The following POM121C variants were observed in gnomAD, a reference collection of about 807,000 sequenced individuals.
The protein encoded by POM121C is nuclear envelope pore membrane protein POM 121C.
In POM121C, 20 loss-of-function variants were observed where a neutral mutation model predicts 66.4. That is an observed-to-expected ratio of 0.30 (90% CI 0.21 to 0.44). The LOEUF is 0.44. POM121C is among the 20% of genes least tolerant of loss of function. POM121C has a pLI of 1.00. For missense variants in POM121C, 580 were observed against 1,225.7 expected (o/e 0.47, Z 7.87); for synonymous variants, 286 against 528.0 (o/e 0.54, Z 6.28).
chr7:75,433,375 A>AGATG (rs1790264281), intron 7 of POM121C, among the ~76,000 whole-genome samples: 1 of 149,934 alleles, frequency 6.7e-6, no homozygotes, highest in African/African-American at 2.4e-5. Context: ...TCTATTTTTG[A>AGATG]GATGGAGTCT....
intron 1 of POM121C, among the ~76,000 whole-genome samples, chr7:75,478,396 C>A (rs59029472): frequency 0.16 from 24,117 of 151,544 alleles, 2,462 homozygotes; most frequent in African/African-American, 0.28. Context: ...GAAGAAGAAC[C>A]GAGGCAGATG....
chr7:75,464,772 C>T (rs1429589561), intron 3 of POM121C, among the ~76,000 whole-genome samples: 1 of 103,804 alleles, frequency 9.6e-6, no homozygotes, highest in Non-Finnish European at 1.8e-5. Context: ...AGGAGAATTG[C>T]TTGAACCCAG....
At chr7:75,449,627 A>T (rs1431249825) in intron 3 of POM121C, among the ~76,000 whole-genome samples, 1 of 151,966 alleles carries the variant, frequency 6.6e-6, no homozygotes, top group Non-Finnish European at 1.5e-5. Context: ...GCAGCCTCCC[A>T]AAGTGCTGGG....
intron 1 of POM121C, among the ~76,000 whole-genome samples, chr7:75,483,794 A>G (rs1792403171): frequency 6.6e-6 from 1 of 151,524 alleles, no homozygotes; most frequent in South Asian, 2.1e-4. Context: ...CTATTTCCAC[A>G]TTCCCATTTT....
At chr7:75,460,698 G>A (rs1313706581) in intron 3 of POM121C, among the ~76,000 whole-genome samples, 4 of 152,076 alleles carry the variant, frequency 2.6e-5, no homozygotes, top group Admixed American at 6.6e-5. Flanking sequence ...TGATCTTCAC[G>A]AGTGAGTGGC....
At chr7:75,463,330 C>A (rs1346798041) in intron 3 of POM121C, among the ~76,000 whole-genome samples, 1 of 151,738 alleles carries the variant, frequency 6.6e-6, no homozygotes, top group Non-Finnish European at 1.5e-5. Flanking sequence ...GGCGACAGGG[C>A]AAGACTCCAC....
At chr7:75,449,467 C>G (rs1438795033) in intron 3 of POM121C, among the ~76,000 whole-genome samples, 5 of 151,874 alleles carry the variant, frequency 3.3e-5, no homozygotes, top group African/African-American at 1.2e-4. Flanking sequence ...CGGGTTCATG[C>G]CATTCTCCTG....
intron 7 of POM121C, among the ~76,000 whole-genome samples, chr7:75,433,689 G>A (rs1554472674): frequency 6.6e-6 from 1 of 152,096 alleles, no homozygotes; most frequent in East Asian, 1.9e-4. Flanking sequence ...AATAATAGAG[G>A]ATACTATACA....
Position 75,432,184 on chromosome 7 carries a change from C to CA in POM121C, c.480+5330dup, listed in dbSNP as rs57890055. Among the ~76,000 whole-genome samples, 181 of 107,706 alleles carry CA rather than the reference C, an allele frequency of 1.7e-3. 1 individual carries two copies. The highest frequency in any genetic ancestry group is 0.013 in the South Asian group (42 of 3,278). The allele number at this position is 107,706 out of a possible 152,430, so 70.7% of individuals were successfully genotyped here. A position where few individuals can be genotyped will look rare whatever the true frequency, so the allele number is the denominator to read the frequency against. Reference sequence around the variant, plus strand: ...TGGGTGACAGAGCGAGAATCTGTCTCAAAAAAAAAAAAAAAAAAAAGGTTA... The same window carrying CA: ...TGGGTGACAGAGCGAGAATCTGTCTCAAAAAAAAAAAAAAAAAAAAAGGTTA... On this transcript the variant is annotated intron_variant, in intron 7 of 14. Transcript: ENST00000615331.
Position 75,428,420 on chromosome 7 carries a change from G to A in POM121C, c.481-1967C>T, listed in dbSNP as rs190403027. ...CCCAAAGCACTAGGATTACAGGTGTGAGCCACCACGCTTAGCCACCTGTGG... is the reference window on the plus strand; with the variant it reads ...CCCAAAGCACTAGGATTACAGGTGTAAGCCACCACGCTTAGCCACCTGTGG... On this transcript the variant is annotated intron_variant, in intron 7 of 14. Transcript: ENST00000615331. Among the ~76,000 whole-genome samples, 44 of 152,256 alleles carry A rather than the reference G, an allele frequency of 2.9e-4. No homozygotes were observed. In the East Asian group the frequency reaches 5.2e-3, roughly 18 times the overall value.
chr7:75,459,793 A>AGTG (rs1554476771), intron 3 of POM121C, among the ~76,000 whole-genome samples: 1 of 132,584 alleles, frequency 7.5e-6, no homozygotes, highest in African/African-American at 2.8e-5. Context: ...ACATTATCTC[A>AGTG]GTGGTTCTCA....
chr7:75,434,299 G>A (rs1554472761), intron 7 of POM121C, among the ~76,000 whole-genome samples: 1 of 150,652 alleles, frequency 6.6e-6, no homozygotes, highest in Non-Finnish European at 1.5e-5. Context: ...TTTTTAAGAT[G>A]GAGTCTCACT....
chr7:75,426,025 T>G (rs1397736471), intron 8 of POM121C, among the ~76,000 whole-genome samples: 1 of 150,358 alleles, frequency 6.7e-6, no homozygotes, highest in East Asian at 1.9e-4. Flanking sequence ...TCCAGCCAAC[T>G]GCAAGCACCT....
chr7:75,482,788 C>T (rs1441514488), intron 1 of POM121C, among the ~76,000 whole-genome samples: 1 of 152,034 alleles, frequency 6.6e-6, no homozygotes, highest in Non-Finnish European at 1.5e-5. Context: ...AAAAGAGAGA[C>T]TCCATGGAGA....
chr7:75,466,567 T>G (rs1313769761), intron 3 of POM121C, among the ~76,000 whole-genome samples: 1 of 151,370 alleles, frequency 6.6e-6, no homozygotes, highest in Non-Finnish European at 1.5e-5. Flanking sequence ...ATTGTGCCAC[T>G]GCACTCCAGC....
At chr7:75,425,856 C>G (rs1789921433) in intron 8 of POM121C, 148 bp from the exon 9 acceptor site, 7 of 1,119,754 alleles carry the variant, frequency 6.3e-6, no homozygotes, top group Non-Finnish European at 7.5e-6. Flanking sequence ...AAAAAGTCAA[C>G]AGGAAATTCC....
chr7:75,434,426 C>CA (rs1416915923), intron 7 of POM121C, among the ~76,000 whole-genome samples: 1 of 151,766 alleles, frequency 6.6e-6, no homozygotes, highest in Non-Finnish European at 1.5e-5. Context: ...AGGCACACGC[C>CA]ACCACACCTG....
chr7:75,472,294 A>T (rs1791910524), intron 3 of POM121C, among the ~76,000 whole-genome samples: 1 of 151,836 alleles, frequency 6.6e-6, no homozygotes, highest in Non-Finnish European at 1.5e-5. Context: ...GGCAGATCAC[A>T]AGGCCAAGAG....
chr7:75,477,093 T>C (rs1792112308), intron 1 of POM121C, among the ~76,000 whole-genome samples: 1 of 118,140 alleles, frequency 8.5e-6, no homozygotes. Context: ...CAAGCACATA[T>C]ATACAGTTTG....
Sources: gnomAD v4.1 joint callset for allele counts (sites outside exome capture counted in the v4.1 genomes callset) on GRCh38, gnomAD v4.1.1 for gene constraint, MANE v1.5 for transcripts, NCBI Gene and HGNC (gene_info 2026-07-23, HGNC 2026-07-21) for gene names.